CNTNAP5: variants seen among roughly 807,000 people sequenced by gnomAD.
CNTNAP5 encodes contactin-associated protein-like 5.
A neutral mutation model predicts 150.2 loss-of-function variants in CNTNAP5; 72 were observed. The ratio of observed to expected loss-of-function variants is 0.48; its 90% CI spans 0.40 to 0.58. The LOEUF is 0.58. Ranked by LOEUF, CNTNAP5 falls within the 20% of genes least tolerant of loss-of-function variation. The pLI is 0.00. For synonymous variants in CNTNAP5, 672 were observed against 619.8 expected (o/e 1.08, Z -1.25); for missense variants, 1,636 against 1,626.2 (o/e 1.01, Z -0.10).
chr2:124,174,343 T>C (rs2104669246), intron 1 of CNTNAP5, among the ~76,000 whole-genome samples: 1 of 152,270 alleles, frequency 6.6e-6, no homozygotes, highest in African/African-American at 2.4e-5. Flanking sequence ...TTCTGATGGA[T>C]CTGGGTAGAG....
intron 2 of CNTNAP5, among the ~76,000 whole-genome samples, chr2:124,234,319 T>C (rs1022524949): frequency 3.3e-5 from 5 of 152,146 alleles, no homozygotes; most frequent in African/African-American, 1.2e-4. Flanking sequence ...AAGAGAAATT[T>C]TACAACAGCA....
At chr2:124,837,339 A>G (rs777706784) in intron 19 of CNTNAP5, among the ~76,000 whole-genome samples, 11 of 152,152 alleles carry the variant, frequency 7.2e-5, no homozygotes, top group Non-Finnish European at 1.6e-4. Context: ...CTTGACTATG[A>G]GAAATCCTCA....
intron 1 of CNTNAP5, among the ~76,000 whole-genome samples, chr2:124,188,004 G>A (rs141828169): frequency 7.9e-5 from 12 of 152,278 alleles, no homozygotes; most frequent in Middle Eastern, 3.4e-3. Flanking sequence ...GTAGGGATGA[G>A]CACAAAAATG....
intron 1 of CNTNAP5, among the ~76,000 whole-genome samples, chr2:124,127,433 T>A (rs906732598): frequency 3.3e-5 from 5 of 152,110 alleles, no homozygotes; most frequent in Non-Finnish European, 5.9e-5. Flanking sequence ...TGGAAGAACA[T>A]TCCATGCTCA....
At chr2:124,122,792 A>ACACACACACC (rs1553439314) in intron 1 of CNTNAP5, among the ~76,000 whole-genome samples, 3 of 113,392 alleles carry the variant, frequency 2.6e-5, no homozygotes, top group Admixed American at 8.2e-5. Flanking sequence ...ACACACACAC[A>ACACACACACC]CCCACACCTT....
intron 16 of CNTNAP5, 76 bp downstream of exon 16, chr2:124,764,223 T>G (rs1681020774): frequency 1.8e-6 from 2 of 1,140,536 alleles, no homozygotes; most frequent in South Asian, 1.3e-5. Context: ...CACCAGTCAC[T>G]AGTGGGCATT....
chr2:124,566,925 A>T (rs1696038094), intron 11 of CNTNAP5, among the ~76,000 whole-genome samples: 1 of 152,212 alleles, frequency 6.6e-6, no homozygotes, highest in Non-Finnish European at 1.5e-5. Context: ...ATAGGCCTGA[A>T]ATTCTGCACT....
intron 3 of CNTNAP5, among the ~76,000 whole-genome samples, chr2:124,310,496 C>T (rs986351159): frequency 7.2e-5 from 11 of 152,256 alleles, no homozygotes; most frequent in African/African-American, 2.4e-4. Flanking sequence ...GTTTAATTTC[C>T]TTCCTTCCTC....
intron 19 of CNTNAP5, among the ~76,000 whole-genome samples, chr2:124,858,680 A>G (rs1677438143): frequency 6.6e-6 from 1 of 152,234 alleles, no homozygotes; most frequent in African/African-American, 2.4e-5. Flanking sequence ...TCATGGAAAC[A>G]TTGAGTCAAA....
At chr2:124,134,279 C>G (rs1025301401) in intron 1 of CNTNAP5, among the ~76,000 whole-genome samples, 2 of 150,998 alleles carry the variant, frequency 1.3e-5, no homozygotes, top group African/African-American at 4.9e-5. Context: ...ATTACAAGAA[C>G]GATGAAACTG....
intron 19 of CNTNAP5, among the ~76,000 whole-genome samples, chr2:124,841,725 A>C (rs190674261): frequency 9.1e-4 from 139 of 152,226 alleles, no homozygotes; most frequent in African/African-American, 3.2e-3. Context: ...TCCCTGGTAC[A>C]TGACAGGTGT....
intron 13 of CNTNAP5, among the ~76,000 whole-genome samples, chr2:124,652,955 T>C (rs1678353712): frequency 6.6e-6 from 1 of 152,220 alleles, no homozygotes; most frequent in African/African-American, 2.4e-5. Flanking sequence ...CTTTGAAATC[T>C]AATGGCTGTA....
chr2:124,677,444 G>T (rs571867159), intron 13 of CNTNAP5, among the ~76,000 whole-genome samples: 1 of 152,200 alleles, frequency 6.6e-6, no homozygotes, highest in African/African-American at 2.4e-5. Flanking sequence ...CTGCTGGCTG[G>T]GGTGGCCAGC....
chr2:124,447,817 A>C (rs1692859278), intron 6 of CNTNAP5, among the ~76,000 whole-genome samples: 1 of 152,216 alleles, frequency 6.6e-6, no homozygotes, highest in South Asian at 2.1e-4. Flanking sequence ...GAGGCAAGAC[A>C]GAGCATGGTT....
At position 124,790,030 on chromosome 2, in the gene CNTNAP5, T is replaced by C; in HGVS notation, c.2881T>C (p.Cys961Arg). 6.2e-7 allele frequency: 1 copy of C among 1,613,978 alleles called. No homozygotes were observed. The highest frequency in any genetic ancestry group is 8.5e-7 in the Non-Finnish European group (1 of 1,179,856). ...AGTCAGGCCAGGCTGCCCCGGCCAC[T>C]GCAGCAGCTACGGCAGCATCTGCCA... is the stretch of plus-strand genomic sequence containing the variant. ...SGVRPGCPGH[C>R]SSYGSICHNG... Residue 961 changes from cysteine to arginine, a missense_variant, in exon 18 of 24, where the codon TGC (cysteine) becomes CGC (arginine). Transcript: ENST00000682447.
chr2:124,584,407 G>T (rs1696483920), intron 11 of CNTNAP5, among the ~76,000 whole-genome samples: 1 of 152,124 alleles, frequency 6.6e-6, no homozygotes, highest in Admixed American at 6.5e-5. Flanking sequence ...AACGTGATTT[G>T]TATTTAATCT....
At chr2:124,211,511 AACACACACACAAACACAC>A (rs1198825761) in intron 1 of CNTNAP5, among the ~76,000 whole-genome samples, 6 of 137,082 alleles carry the variant, frequency 4.4e-5, no homozygotes, top group African/African-American at 1.7e-4. Flanking sequence ...TACAGTCTCC[AACACACACACAAACACAC>A]ACACACACAC....
chr2:124,856,388 C>T (rs1677374270), intron 19 of CNTNAP5, among the ~76,000 whole-genome samples: 1 of 152,148 alleles, frequency 6.6e-6, no homozygotes, highest in South Asian at 2.1e-4. Flanking sequence ...GGTAGTTCTA[C>T]TTTTAGTTCT....
intron 21 of CNTNAP5, among the ~76,000 whole-genome samples, chr2:124,885,487 G>C (rs534974679): frequency 1.3e-5 from 2 of 149,948 alleles, no homozygotes; most frequent in African/African-American, 4.9e-5. Context: ...CAATTCAGAG[G>C]CATTTAGTAT....
Sources: allele counts gnomAD v4.1 joint callset (sites outside exome capture counted in the v4.1 genomes callset), GRCh38; gene constraint gnomAD v4.1.1; transcripts MANE v1.5; gene names NCBI Gene and HGNC (gene_info 2026-07-23, HGNC 2026-07-21).